The following LRCH2 variants were observed in gnomAD, a reference collection of about 807,000 sequenced individuals.
The protein encoded by LRCH2 is leucine rich repeats and calponin homology domain containing 2.
In LRCH2, 38 loss-of-function variants were observed where a neutral mutation model predicts 68.9. The ratio of observed to expected loss-of-function variants is 0.55; its 90% confidence interval spans 0.43 to 0.72. LRCH2 has a LOEUF of 0.72. LRCH2 is among the 30% of genes least tolerant of loss of function. The pLI is 0.00. For missense variants in LRCH2, 528 were observed against 572.9 expected, an observed-to-expected ratio of 0.92 and a Z score of 0.80; for synonymous variants, 191 against 208.1, an observed-to-expected ratio of 0.92 and a Z score of 0.71.
Position 115,122,896 on chromosome X carries a change from T to C in LRCH2, c.1964A>G (p.Asn655Ser). ...EREQIRQLRN[N>S]LESRLKVILP... ...AATTACTTTTAACCTGGATTCAAGA[T>C]TCTATAGAAAAACAGGTATAAATCA... The change falls in exon 19 of 21, where the codon AAT (asparagine) becomes AGT (serine). Residue 655 changes from asparagine (N) to serine (S), a missense_variant and splice_region_variant. By Grantham distance (46) the Asn-to-Ser change is conservative (BLOSUM62 1). Transcript: ENST00000317135. 2.5e-6 allele frequency: 3 copies of C among 1,200,164 alleles called. No homozygotes were observed. The East Asian group carries it at 8.9e-5, about 36-fold the overall frequency.
chrX:115,227,193 A>T lies in LRCH2; in HGVS notation c.349+6500T>A, dbSNP rs184517958. Among the ~76,000 whole-genome samples the T allele has an allele frequency of 2.5e-4, 27 of 109,951 alleles. No individual in the cohort carries two copies. In the East Asian group the frequency reaches 7.8e-3, roughly 32 times the overall value. ...AGTCCAAGCTACTCAGCAGGCTGAGACAGGAGGATCACTTGAGCCCCCGAG... is the reference window on the plus strand; with the variant it reads ...AGTCCAAGCTACTCAGCAGGCTGAGTCAGGAGGATCACTTGAGCCCCCGAG... On this transcript the variant is annotated intron_variant, in intron 1 of 20. Transcript: ENST00000317135.
At position 115,188,164 on chromosome X, in the gene LRCH2, C is replaced by T. The variant is rs782402740; in HGVS notation, c.494+62G>A. The T allele has an allele frequency of 2.6e-5, 21 of 822,077 alleles. No individual in the cohort carries two copies. The Admixed American group carries it at 2.7e-4, about 10-fold the overall frequency. 67.7% of individuals were successfully genotyped at this position (822,077 alleles called of 1,213,427 possible). ...CAGCCAAATCAAACATATTCCTTTG[C>T]GACTAAAAAAGGATTAGAACAACAA... is the stretch of plus-strand genomic sequence containing the variant. On this transcript the variant is annotated intron_variant, in intron 2 of 20. Coordinates refer to ENST00000317135, the MANE Select transcript of LRCH2 (RefSeq NM_020871.4).
At chrX:115,190,774 A>G (rs1556558124) in intron 1 of LRCH2, 3 of 1,163,721 alleles carry the variant, frequency 2.6e-6, no homozygotes, top group Non-Finnish European at 3.4e-6. Context: ...TGCCCACAGC[A>G]GGGGCCGGTC....
At chrX:115,227,957 C>A (rs1339636389) in intron 1 of LRCH2, among the ~76,000 whole-genome samples, 1 of 111,590 alleles carries the variant, frequency 9.0e-6, no homozygotes, top group Non-Finnish European at 1.9e-5. Context: ...AACTTACTTT[C>A]CTATTTGGAA....
At chrX:115,135,110 TTTC>T (rs1369595086) in intron 14 of LRCH2, among the ~76,000 whole-genome samples, 1 of 106,046 alleles carries the variant, frequency 9.4e-6, no homozygotes, top group Non-Finnish European at 1.9e-5. Context: ...TTTATTTCCT[TTTC>T]TTTTCTTTCT....
At chrX:115,152,433 A>G (rs2072439408) in intron 12 of LRCH2, among the ~76,000 whole-genome samples, 1 of 112,233 alleles carries the variant, frequency 8.9e-6, no homozygotes, top group Non-Finnish European at 1.9e-5. Flanking sequence ...AAGACTGAAC[A>G]TGTTAAGTAC....
chrX:115,163,506 G>A (rs1254804978), intron 11 of LRCH2, among the ~76,000 whole-genome samples, 170 bp downstream of exon 11: 1 of 111,211 alleles, frequency 9.0e-6, no homozygotes, highest in East Asian at 2.8e-4. Flanking sequence ...CTTGGGATCC[G>A]ATTTCAGATT....
intron 14 of LRCH2, among the ~76,000 whole-genome samples, chrX:115,138,508 G>C (rs1454209150): frequency 9.0e-6 from 1 of 111,217 alleles, no homozygotes; most frequent in East Asian, 2.8e-4. Flanking sequence ...TTTTGTTATG[G>C]GGTGTCAGCT....
At chrX:115,226,433 G>A in intron 1 of LRCH2, among the ~76,000 whole-genome samples, 1 of 111,385 alleles carries the variant, frequency 9.0e-6, no homozygotes. Context: ...CATTGTTTTA[G>A]TAACACATGA....
chrX:115,190,821 C>T, intron 1 of LRCH2: 1 of 1,154,960 alleles, frequency 8.7e-7, no homozygotes. Flanking sequence ...ACAGTTCCAG[C>T]TGGAGCGACT....
At position 115,190,100 on chromosome X, in the gene LRCH2, G is replaced by A. The variant is rs1002469427; in HGVS notation, c.350-1730C>T. ...AGCCTGGCTCGCATTGGCGGCAGTG[G>A]AATGCCTGGGAAGGCCCCGGCCGTG... On this transcript the variant is annotated intron_variant, in intron 1 of 20. Coordinates refer to ENST00000317135, the MANE Select transcript of LRCH2 (RefSeq NM_020871.4). The A allele has an allele frequency of 4.3e-6, 5 of 1,154,123 alleles. No individual in the cohort carries two copies. In the African/African-American group the frequency reaches 7.1e-5, roughly 16 times the overall value.
intron 20 of LRCH2, among the ~76,000 whole-genome samples, chrX:115,117,783 G>C (rs1448491743): frequency 9.0e-6 from 1 of 111,178 alleles, no homozygotes; most frequent in Non-Finnish European, 1.9e-5. Flanking sequence ...GTGGTTGCTG[G>C]AGAAAGAAGG....
At chrX:115,143,544 C>G (rs1556535040) in intron 14 of LRCH2, among the ~76,000 whole-genome samples, 1 of 111,197 alleles carries the variant, frequency 9.0e-6, no homozygotes, top group Non-Finnish European at 1.9e-5. Context: ...CTGAATTCTA[C>G]CAAAAACTTA....
intron 12 of LRCH2, among the ~76,000 whole-genome samples, chrX:115,152,742 C>A (rs1556538570): frequency 9.1e-6 from 1 of 109,843 alleles, no homozygotes; most frequent in African/African-American, 3.3e-5. Context: ...GAAAATAAAC[C>A]CACAAATTCA....
Position 115,122,942 on chromosome X carries a change from A to C in LRCH2, c.1963-45T>G, listed in dbSNP as rs188453354. On this transcript the variant is annotated intron_variant, in intron 18 of 20. Transcript: ENST00000317135. ...AATCAGATACTCTATCTAAACATACATGTTAAATGTTTATATTACTAATTG... is the reference window on the plus strand; with the variant it reads ...AATCAGATACTCTATCTAAACATACCTGTTAAATGTTTATATTACTAATTG... 86 of 1,120,098 alleles carry C rather than the reference A, an allele frequency of 7.7e-5. 1 individual carries two copies. Among genetic ancestry groups the C allele is most frequent in the East Asian group, 5.6e-4 (18 of 32,173 alleles). The allele number at this position is 1,120,098 out of a possible 1,213,427, so 92.3% of individuals were successfully genotyped here. A position where few individuals can be genotyped will look rare whatever the true frequency, so the allele number is the denominator to read the frequency against.
intron 1 of LRCH2, among the ~76,000 whole-genome samples, chrX:115,202,628 AAAT>A (rs2072938174): frequency 8.9e-6 from 1 of 112,397 alleles, no homozygotes; most frequent in South Asian, 3.7e-4. Context: ...GTATTTACTC[AAAT>A]AAGTTCAAAA....
At chrX:115,128,678 G>A (rs1556528881) in intron 15 of LRCH2, among the ~76,000 whole-genome samples, 1 of 111,944 alleles carries the variant, frequency 8.9e-6, no homozygotes, top group East Asian at 2.8e-4. Flanking sequence ...AAATGAGTAT[G>A]GCTGTTTTCT....
chrX:115,118,903 A>G (rs2072109173), intron 20 of LRCH2, among the ~76,000 whole-genome samples: 1 of 111,466 alleles, frequency 9.0e-6, no homozygotes, highest in Non-Finnish European at 1.9e-5. Context: ...TATAAACAGA[A>G]CCAAAGACAA....
chrX:115,214,819 G>A (rs371633158), intron 1 of LRCH2, among the ~76,000 whole-genome samples: 6 of 111,369 alleles, frequency 5.4e-5, no homozygotes, highest in African/African-American at 2.0e-4. Context: ...TGTGAGTCTC[G>A]CAACAATTAA....
Sources: gnomAD v4.1 joint callset for allele counts (sites outside exome capture counted in the v4.1 genomes callset) on GRCh38, gnomAD v4.1.1 for gene constraint, MANE v1.5 for transcripts, NCBI Gene and HGNC (gene_info 2026-07-23, HGNC 2026-07-21) for gene names.